Variants in PRKG1 observed in about 807,000 individuals in gnomAD.
The protein encoded by PRKG1 is cGMP-dependent protein kinase 1.
PRKG1 carries 35 observed loss-of-function variants against 88.1 expected under a neutral mutation model. That is an observed-to-expected ratio of 0.40 (90% CI 0.30 to 0.53). The LOEUF (loss-of-function observed/expected upper bound fraction) is 0.53, where lower values mean the gene tolerates loss of function less well. PRKG1 is among the 20% of genes least tolerant of loss of function. The pLI is 0.59. For missense variants in PRKG1, 540 were observed against 839.8 expected, an observed-to-expected ratio of 0.64 and a Z score of 4.41; for synonymous variants, 303 against 292.5, an observed-to-expected ratio of 1.04 and a Z score of -0.37.
chr10:51,930,495 C>CTTTTTTTTTT (rs3029977), intron 5 of PRKG1, among the ~76,000 whole-genome samples: 1 of 104,472 alleles, frequency 9.6e-6, no homozygotes. Flanking sequence ...TTTTTTTCCT[C>CTTTTTTTTTT]TTTTTTTTTT....
chr10:51,431,121 G>A (rs1449135831), intron 2 of PRKG1, among the ~76,000 whole-genome samples: 1 of 152,140 alleles, frequency 6.6e-6, no homozygotes, highest in East Asian at 1.9e-4. Flanking sequence ...AGAGAGAAAG[G>A]GAGGGTGAGC....
At chr10:51,903,578 T>A (rs956071531) in intron 4 of PRKG1, among the ~76,000 whole-genome samples, 1 of 152,110 alleles carries the variant, frequency 6.6e-6, no homozygotes, top group Non-Finnish European at 1.5e-5. Context: ...ATGTTAACAG[T>A]TGTGATTCTG....
At chr10:51,459,280 A>G (rs542929562) in intron 2 of PRKG1, among the ~76,000 whole-genome samples, 11 of 152,248 alleles carry the variant, frequency 7.2e-5, no homozygotes, top group African/African-American at 2.4e-4. Flanking sequence ...TAGGACATTT[A>G]TTCTGGCAAC....
chr10:51,479,379 G>A (rs1302168987), intron 3 of PRKG1, among the ~76,000 whole-genome samples: 4 of 151,938 alleles, frequency 2.6e-5, no homozygotes, highest in Non-Finnish European at 5.9e-5. Flanking sequence ...TCTGAAAAGG[G>A]AAGATCATAC....
chr10:51,217,917 C>T (rs866740232), intron 2 of PRKG1, among the ~76,000 whole-genome samples: 2 of 152,116 alleles, frequency 1.3e-5, no homozygotes, highest in African/African-American at 4.8e-5. Flanking sequence ...CAAATTCCTC[C>T]TTTCTTTCAG....
rs1349455971 is a variant in PRKG1, at chr10:52,067,979, C to T, written c.935+5348C>T. ...CAGCACTTTGGGAGGCCGAGACGGGCGGATCACGAGGTCAGGAGATCGAGA... is the reference window on the plus strand; with the variant it reads ...CAGCACTTTGGGAGGCCGAGACGGGTGGATCACGAGGTCAGGAGATCGAGA... On this transcript the variant is annotated intron_variant, in intron 7 of 17. Transcript: ENST00000373980. Among the ~76,000 whole-genome samples, 7 of 105,182 alleles carry T rather than the reference C, an allele frequency of 6.7e-5. 1 individual carries two copies. The highest frequency in any genetic ancestry group is 9.7e-5 in the Non-Finnish European group (4 of 41,098). The allele number at this position is 105,182 out of a possible 152,430, so 69.0% of individuals were successfully genotyped here. A position where few individuals can be genotyped will look rare whatever the true frequency, so the allele number is the denominator to read the frequency against.
At chr10:51,281,629 G>A (rs902425449) in intron 2 of PRKG1, among the ~76,000 whole-genome samples, 6 of 152,280 alleles carry the variant, frequency 3.9e-5, no homozygotes, top group East Asian at 1.9e-4. Context: ...CTCTGGGGGC[G>A]GGGCATAGCC....
At chr10:51,807,064 C>A (rs1483289717) in intron 4 of PRKG1, among the ~76,000 whole-genome samples, 1 of 152,124 alleles carries the variant, frequency 6.6e-6, no homozygotes, top group African/African-American at 2.4e-5. Context: ...TGTAATTTGA[C>A]CTTAAGCTTA....
At chr10:52,128,502 A>G in intron 7 of PRKG1, 1 of 985,400 alleles carries the variant, frequency 1.0e-6, no homozygotes, top group Non-Finnish European at 1.2e-6. Flanking sequence ...GGATACAGCG[A>G]TGATGAAGAT....
intron 4 of PRKG1, among the ~76,000 whole-genome samples, chr10:51,895,475 A>G (rs1036855597): frequency 6.6e-6 from 1 of 151,856 alleles, no homozygotes; most frequent in African/African-American, 2.4e-5. Flanking sequence ...CTGCCCTGTC[A>G]TTTTGCCCAA....
chr10:52,291,968 CATT>C (rs1010334210), intron 17 of PRKG1, among the ~76,000 whole-genome samples: 11 of 152,326 alleles, frequency 7.2e-5, no homozygotes, highest in Admixed American at 3.9e-4. Flanking sequence ...GATGGTATCT[CATT>C]GTTGTGTTGA....
At chr10:51,052,149 G>A (rs189561161) in intron 1 of PRKG1, among the ~76,000 whole-genome samples, 91 of 152,230 alleles carry the variant, frequency 6.0e-4, no homozygotes, top group African/African-American at 2.1e-3. Flanking sequence ...TCTCAAAAAT[G>A]ATTTTAGTGA....
chr10:51,335,537 A>G (rs1841854093), intron 2 of PRKG1, among the ~76,000 whole-genome samples: 1 of 151,570 alleles, frequency 6.6e-6, no homozygotes, highest in South Asian at 2.1e-4. Flanking sequence ...TTTATGCTAC[A>G]TATTTTTTTT....
At chr10:51,308,667 T>C (rs1246551062) in intron 2 of PRKG1, among the ~76,000 whole-genome samples, 1 of 152,122 alleles carries the variant, frequency 6.6e-6, no homozygotes, top group Non-Finnish European at 1.5e-5. Flanking sequence ...CAGAAGTGAT[T>C]TAATATAGAA....
rs538105260 is a variant in PRKG1, at chr10:51,197,543, G to C, written c.478+44213G>C. ...CCCACTTCGGCCTCCCAAAGTGCTG[G>C]GATTACAGATGTAAGCCACTGTGCC... On this transcript the variant is annotated intron_variant, in intron 2 of 17. Transcript: ENST00000373980. Among the ~76,000 whole-genome samples, 3 of 151,964 alleles carry C rather than the reference G, an allele frequency of 2.0e-5. No homozygotes were observed. In the East Asian group the frequency reaches 5.8e-4, roughly 30 times the overall value.
At chr10:52,142,164 G>A (rs1039349769) in intron 8 of PRKG1, among the ~76,000 whole-genome samples, 5 of 152,106 alleles carry the variant, frequency 3.3e-5, no homozygotes, top group East Asian at 3.9e-4. Flanking sequence ...TGAGGAAGGC[G>A]AGTCCCAGAA....
At chr10:51,278,122 C>G (rs1361725667) in intron 2 of PRKG1, among the ~76,000 whole-genome samples, 1 of 152,086 alleles carries the variant, frequency 6.6e-6, no homozygotes, top group African/African-American at 2.4e-5. Context: ...TTTGGAGATA[C>G]GTCCCATCAA....
intron 3 of PRKG1, among the ~76,000 whole-genome samples, chr10:51,727,671 T>G (rs531426248): frequency 6.6e-6 from 1 of 152,200 alleles, no homozygotes; most frequent in East Asian, 1.9e-4. Context: ...TTAACTCATA[T>G]CTCCGGAGAG....
intron 4 of PRKG1, among the ~76,000 whole-genome samples, chr10:51,903,168 G>T (rs905504937): frequency 1.3e-5 from 2 of 152,048 alleles, no homozygotes; most frequent in Admixed American, 6.6e-5. Context: ...AGTGTCATAT[G>T]GGCAAATGTG....
Sources: allele counts gnomAD v4.1 joint callset (sites outside exome capture counted in the v4.1 genomes callset), GRCh38; gene constraint gnomAD v4.1.1; transcripts MANE v1.5; gene names NCBI Gene and HGNC (gene_info 2026-07-23, HGNC 2026-07-21).